GALNTL6: variants seen among roughly 807,000 people sequenced by gnomAD.
The protein encoded by GALNTL6 is polypeptide N-acetylgalactosaminyltransferase-like 6.
Under a neutral mutation model 73.7 loss-of-function variants are expected in GALNTL6, and 46 were observed. The ratio of observed to expected loss-of-function variants is 0.62; its 90% CI spans 0.49 to 0.80. The LOEUF (loss-of-function observed/expected upper bound fraction) is 0.80, where lower values mean the gene tolerates loss of function less well. Ranked by LOEUF, GALNTL6 falls within the 30% of genes least tolerant of loss-of-function variation. The pLI is 0.00. For missense variants in GALNTL6, 604 were observed against 755.0 expected (o/e 0.80, Z 2.34); for synonymous variants, 259 against 263.7 (o/e 0.98, Z 0.17).
intron 5 of GALNTL6, among the ~76,000 whole-genome samples, chr4:172,606,861 G>C (rs1738324846): frequency 6.6e-6 from 1 of 151,236 alleles, no homozygotes; most frequent in African/African-American, 2.4e-5. Context: ...AGTTGGAAGA[G>C]GAATTTACCT....
rs142265791 is a variant in GALNTL6 at position 172,748,880 on chromosome 4, TTTGTTGTTGTTGTTGTTG to T, written c.554-60451_554-60434del. ...CTGCATGCATATACACATATTTTCT[TTTGTTGTTGTTGTTGTTG>T]TTGTTGTTGTTGTTGTTGTTGTTGT... is the stretch of plus-strand genomic sequence containing the variant. On this transcript the variant is annotated intron_variant, in intron 5 of 12. Coordinates refer to ENST00000506823, the MANE Select transcript of GALNTL6 (RefSeq NM_001034845.3). 4.9e-3 allele frequency among the ~76,000 whole-genome samples: 742 copies of T among 150,076 alleles called. 6 individuals are homozygous for T. Among genetic ancestry groups the T allele is most frequent in the South Asian group, 0.017 (77 of 4,666 alleles).
At chr4:172,683,072 G>A (rs1250362794) in intron 5 of GALNTL6, among the ~76,000 whole-genome samples, 6 of 152,146 alleles carry the variant, frequency 3.9e-5, no homozygotes, top group South Asian at 2.1e-4. Flanking sequence ...TGTTTCCTGC[G>A]TTCATTTCTC....
rs188606275 is a variant in GALNTL6, at chr4:172,229,494, T to C, written c.139-162T>C. 1.3e-3 allele frequency among the ~76,000 whole-genome samples: 196 copies of C among 152,340 alleles called. 2 individuals are homozygous for C. The highest frequency in any genetic ancestry group is 1.9e-3 in the Non-Finnish European group (127 of 68,026). Reference sequence around the variant, plus strand: ...GGTTAAAAAAAAGATTTAAAATGTGTATAAATCTGGTCACCAGCGATAGCT... The same window carrying C: ...GGTTAAAAAAAAGATTTAAAATGTGCATAAATCTGGTCACCAGCGATAGCT... On this transcript the variant is annotated intron_variant, in intron 2 of 12. Coordinates refer to ENST00000506823, the MANE Select transcript of GALNTL6 (RefSeq NM_001034845.3).
At chr4:172,331,412 A>T (rs1279276846) in intron 4 of GALNTL6, among the ~76,000 whole-genome samples, 1 of 152,146 alleles carries the variant, frequency 6.6e-6, no homozygotes, top group African/African-American at 2.4e-5. Context: ...ATCTACTCTT[A>T]GAAGTAAATT....
chr4:172,722,640 A>G (rs1395047954), intron 5 of GALNTL6, among the ~76,000 whole-genome samples: 1 of 152,196 alleles, frequency 6.6e-6, no homozygotes, highest in Non-Finnish European at 1.5e-5. Context: ...GAAAAATGAA[A>G]AAAATAATTT....
intron 2 of GALNTL6, among the ~76,000 whole-genome samples, chr4:171,992,143 T>C (rs1008175432): frequency 2.0e-5 from 3 of 152,062 alleles, no homozygotes; most frequent in African/African-American, 7.2e-5. Flanking sequence ...AAGCAGTGAA[T>C]TGGCTGCCAA....
chr4:171,974,103 G>A (rs1739648434), intron 2 of GALNTL6, among the ~76,000 whole-genome samples: 2 of 152,016 alleles, frequency 1.3e-5, no homozygotes, highest in Non-Finnish European at 2.9e-5. Flanking sequence ...AGGCCCAAGC[G>A]ATTCTTGTGC....
chr4:171,903,429 T>G (rs890454037), intron 2 of GALNTL6, among the ~76,000 whole-genome samples: 3 of 152,128 alleles, frequency 2.0e-5, no homozygotes, highest in Non-Finnish European at 4.4e-5. Context: ...TACTGCGCTT[T>G]GCCGAAGGGC....
chr4:172,934,948 T>G (rs1006938973), intron 9 of GALNTL6, among the ~76,000 whole-genome samples: 2 of 152,190 alleles, frequency 1.3e-5, no homozygotes, highest in African/African-American at 4.8e-5. Flanking sequence ...CTGGCACCTA[T>G]GGGGACAGTC....
At chr4:172,485,641 A>G (rs1221400981) in intron 5 of GALNTL6, among the ~76,000 whole-genome samples, 1 of 152,128 alleles carries the variant, frequency 6.6e-6, no homozygotes, top group Non-Finnish European at 1.5e-5. Context: ...AAAATTAACC[A>G]CAAAAATATA....
At chr4:172,976,689 G>A (rs923810886) in intron 10 of GALNTL6, among the ~76,000 whole-genome samples, 7 of 152,208 alleles carry the variant, frequency 4.6e-5, no homozygotes, top group African/African-American at 1.7e-4. Flanking sequence ...TGACTCCCCA[G>A]ACACCTGTCC....
Position 172,651,743 on chromosome 4 carries a change from T to C in GALNTL6, c.554-157618T>C, listed in dbSNP as rs182177288. ...CCTCCTCCCCAGACAAGGCTGAAAA[T>C]CGTAGTGTAAAATGAACGATAATTA... On this transcript the variant is annotated intron_variant, in intron 5 of 12. Transcript: ENST00000506823. Among the ~76,000 whole-genome samples the C allele has an allele frequency of 6.1e-4, 93 of 152,212 alleles. 1 individual carries two copies. The South Asian group carries it at 0.016, about 26-fold the overall frequency.
At chr4:173,023,788 G>A (rs7659038) in intron 12 of GALNTL6, among the ~76,000 whole-genome samples, 12,425 of 152,022 alleles carry the variant, frequency 0.082, 974 homozygotes, top group African/African-American at 0.2. Flanking sequence ...GTAAAACCTC[G>A]CCGTTTTCTT....
At chr4:172,746,954 TC>T (rs910761912) in intron 5 of GALNTL6, among the ~76,000 whole-genome samples, 98 of 152,088 alleles carry the variant, frequency 6.4e-4, no homozygotes, top group African/African-American at 2.2e-3. Context: ...TCCTAAAGAC[TC>T]CACCTAACTC....
chr4:172,318,572 G>A (rs1316072492), intron 4 of GALNTL6, among the ~76,000 whole-genome samples: 1 of 151,910 alleles, frequency 6.6e-6, no homozygotes, highest in Non-Finnish European at 1.5e-5. Context: ...CGTGGTGGTG[G>A]GCGCCTGTAA....
chr4:172,216,194 T>C (rs1224430513), intron 2 of GALNTL6, among the ~76,000 whole-genome samples: 1 of 152,148 alleles, frequency 6.6e-6, no homozygotes, highest in Non-Finnish European at 1.5e-5. Context: ...TCCCTGAAGA[T>C]TTTCTTTTAA....
chr4:172,597,218 A>G (rs747859665), intron 5 of GALNTL6, among the ~76,000 whole-genome samples: 9 of 152,146 alleles, frequency 5.9e-5, no homozygotes, highest in Non-Finnish European at 1.0e-4. Context: ...GGGGACATCA[A>G]TTGGATATGA....
rs575380882 is a variant in GALNTL6 at position 172,043,946 on chromosome 4, C to T, written c.139-185710C>T. ...TATTCTCTGTAGACATGAGAGTAAG[C>T]TTTAAAGAGATTTGTTAGTCTACTT... On this transcript the variant is annotated intron_variant, in intron 2 of 12. Transcript: ENST00000506823. Among the ~76,000 whole-genome samples, 14 of 152,038 alleles carry T rather than the reference C, an allele frequency of 9.2e-5. No homozygotes were observed. The South Asian group carries it at 2.5e-3, about 27-fold the overall frequency.
chr4:172,873,370 T>C (rs1210624132), intron 7 of GALNTL6, among the ~76,000 whole-genome samples: 1 of 152,198 alleles, frequency 6.6e-6, no homozygotes, highest in African/African-American at 2.4e-5. Flanking sequence ...AAAGATCAAA[T>C]GTTCCAACAA....
Sources: gnomAD v4.1 joint callset for allele counts (sites outside exome capture counted in the v4.1 genomes callset) on GRCh38, gnomAD v4.1.1 for gene constraint, MANE v1.5 for transcripts, NCBI Gene and HGNC (gene_info 2026-07-23, HGNC 2026-07-21) for gene names.